Variants in DNAH8 observed in about 807,000 individuals in gnomAD.
DNAH8 encodes the protein dynein axonemal heavy chain 8.
Under a neutral mutation model 562.1 loss-of-function variants are expected in DNAH8, and 382 were observed. The observed-to-expected ratio is 0.68, with a 90% CI of 0.63 to 0.74. DNAH8 has a LOEUF of 0.74. Among genes scored for constraint, DNAH8 ranks in the 30% least tolerant of loss-of-function variants. The pLI, the probability that DNAH8 is intolerant of heterozygous loss-of-function variation, is 0.00. For synonymous variants in DNAH8, 1,881 were observed against 1,919.4 expected, an observed-to-expected ratio of 0.98 and a Z score of 0.52; for missense variants, 5,203 against 5,620.4, an observed-to-expected ratio of 0.93 and a Z score of 2.37.
Position 38,815,667 on chromosome 6 carries a change from T to G in DNAH8, c.3523+10T>G, listed in dbSNP as rs1397281874. ...CTGAAGAAGGAAGAAAGTAAGAATG[T>G]AAAATTAGTCAATGATCTTACTGAT... On this transcript the variant is annotated intron_variant, in intron 26 of 92. Transcript: ENST00000327475. 2 of 1,603,798 alleles carry G rather than the reference T, an allele frequency of 1.2e-6. No homozygotes were observed. Among genetic ancestry groups the G allele is most frequent in the Non-Finnish European group, 1.7e-6 (2 of 1,173,224 alleles).
chr6:38,760,057 A>C (rs1436269438), intron 10 of DNAH8, among the ~76,000 whole-genome samples: 1 of 152,242 alleles, frequency 6.6e-6, no homozygotes, highest in Non-Finnish European at 1.5e-5. Context: ...AACATTGTGA[A>C]TCAACAAGTA....
chr6:38,723,379 G>A lies in DNAH8; in HGVS notation c.433G>A (p.Asp145Asn), dbSNP rs755824326. 6.2e-7 allele frequency: 1 copy of A among 1,611,888 alleles called. No individual in the cohort carries two copies. The highest frequency in any genetic ancestry group is 1.7e-5 in the Admixed American group (1 of 59,860). The change falls in exon 3 of 93, where the codon GAC (aspartate) becomes AAC (asparagine). Residue 145 changes from aspartate (D) to asparagine (N), a missense_variant. Coordinates refer to ENST00000327475, the MANE Select transcript of DNAH8 (RefSeq NM_001206927.2). ...AAGGGAAAGCCGAAGACTGAAAATT[G>A]ACCCTTCATACAAATATATATTTGA... is the stretch of plus-strand genomic sequence containing the variant. ...EARESRRLKIDPSYKYIFEIL... is the reference protein window; with the variant it reads ...EARESRRLKINPSYKYIFEIL...
At chr6:38,815,427 A>C in intron 25 of DNAH8, 41 bp from the exon 26 acceptor site, 1 of 1,508,890 alleles carries the variant, frequency 6.6e-7, no homozygotes, top group African/African-American at 1.4e-5. Context: ...GATGGACTGT[A>C]TGTGCCGGCA....
chr6:38,983,251 A>T (rs1764158497), intron 86 of DNAH8, among the ~76,000 whole-genome samples: 1 of 152,200 alleles, frequency 6.6e-6, no homozygotes, highest in Non-Finnish European at 1.5e-5. Flanking sequence ...AGTACCTAAT[A>T]AGAGCTCATT....
intron 89 of DNAH8, among the ~76,000 whole-genome samples, chr6:39,010,318 T>A (rs879168422): frequency 1.3e-5 from 2 of 152,188 alleles, no homozygotes; most frequent in African/African-American, 4.8e-5. Flanking sequence ...AATCAAAATA[T>A]AATTATACCA....
intron 49 of DNAH8, 138 bp from the exon 50 acceptor site, chr6:38,872,398 A>AT (rs1777537329): frequency 2.1e-6 from 2 of 939,546 alleles, no homozygotes; most frequent in African/African-American, 1.7e-5. Context: ...GTAAAACAAC[A>AT]TTTTTTACAA....
Position 38,921,344 on chromosome 6 carries a change from A to G in DNAH8, c.10525-25A>G, listed in dbSNP as rs139989064. The G allele has an allele frequency of 1.9e-5, 30 of 1,608,968 alleles. No individual in the cohort carries two copies. The African/African-American group carries it at 3.7e-4, about 20-fold the overall frequency. On this transcript the variant is annotated intron_variant, in intron 70 of 92. Transcript: ENST00000327475. ...CATGACTGTTTCATGCAGCTAATAC[A>G]CTAACCACGTCTTCTTCTTTTCAGG...
intron 80 of DNAH8, 91 bp from the exon 81 acceptor site, chr6:38,949,361 A>G: frequency 2.5e-6 from 2 of 806,764 alleles, no homozygotes; most frequent in Admixed American, 1.9e-5. Flanking sequence ...CTGCCTGTAA[A>G]GAATGACCCT....
intron 73 of DNAH8, among the ~76,000 whole-genome samples, chr6:38,924,543 TC>T (rs1343217522): frequency 7.2e-5 from 11 of 152,174 alleles, no homozygotes; most frequent in Admixed American, 2.6e-4. Context: ...TTGAATTTTT[TC>T]TTTAACTGGG....
intron 30 of DNAH8, among the ~76,000 whole-genome samples, chr6:38,828,650 A>C (rs2150348180): frequency 1.3e-5 from 2 of 152,326 alleles, no homozygotes; most frequent in African/African-American, 4.8e-5. Context: ...TTCACACGAC[A>C]AAATCACCTA....
chr6:38,990,235 G>C lies in DNAH8; in HGVS notation c.13214+63G>C, dbSNP rs1264375815. 6.2e-6 allele frequency: 7 copies of C among 1,120,284 alleles called. No homozygotes were observed. In the East Asian group the frequency reaches 1.7e-4, roughly 28 times the overall value. The allele number at this position is 1,120,284 out of a possible 1,614,324, so 69.4% of individuals were successfully genotyped here. ...TGTAACTCAGTCTGGCAAAGATGGT[G>C]CATTTCATTTTCTCTCCTAATCTCT... is the stretch of plus-strand genomic sequence containing the variant. On this transcript the variant is annotated intron_variant, in intron 88 of 92. Coordinates refer to ENST00000327475, the MANE Select transcript of DNAH8 (RefSeq NM_001206927.2).
At chr6:38,734,328 C>A (rs988226532) in intron 4 of DNAH8, 146 bp from the exon 5 acceptor site, 3 of 597,532 alleles carry the variant, frequency 5.0e-6, no homozygotes, top group Non-Finnish European at 7.0e-6. Flanking sequence ...TCTAGTAGAC[C>A]CCCCCCCAAA....
In DNAH8 at chr6:38,737,096, G is replaced by A. The variant is rs757017716; in HGVS notation, c.792G>A (p.Ser264=). The A allele has an allele frequency of 1.7e-5, 27 of 1,565,916 alleles. No individual in the cohort carries two copies. Among genetic ancestry groups the A allele is most frequent in the African/African-American group, 5.5e-5 (4 of 72,116 alleles). Residue 264 remains serine, a synonymous_variant, in exon 6 of 93, where the codon TCG becomes TCA. Transcript: ENST00000327475. The stretch of plus-strand genomic sequence containing the variant: ...CGCTCTTTACTGTTCTGGATGCGTC[G>A]AAAGGACTCTTAAATGGAATTAGGG... ...EEALFTVLDA[S]KGLLNGIRDM...
Position 38,872,557 on chromosome 6 carries a change from C to T in DNAH8, c.7012C>T (p.Arg2338Trp), listed in dbSNP as rs148367783. The T allele has an allele frequency of 5.6e-6, 9 of 1,613,824 alleles. No individual in the cohort carries two copies. Among genetic ancestry groups the T allele is most frequent in the Non-Finnish European group, 7.6e-6 (9 of 1,179,914 alleles). Residue 2338 changes from arginine (R) to tryptophan (W), a missense_variant, in exon 50 of 93, where the codon CGG becomes TGG. Transcript: ENST00000327475. ...GTAGTTATATGAGACGTCTTTGGTA[C>T]GGCATGGCTTGATGACTCTTGGGCC... ...LVQLYETSLVRHGLMTLGPSG... is the reference protein window; with the variant it reads ...LVQLYETSLVWHGLMTLGPSG...
intron 76 of DNAH8, chr6:38,932,989 C>T (rs1304672013): frequency 2.0e-5 from 3 of 152,262 alleles, no homozygotes; most frequent in African/African-American, 7.2e-5. Flanking sequence ...TCTTGGTTTC[C>T]AACAAACCTG....
intron 60 of DNAH8, 127 bp from the exon 61 acceptor site, chr6:38,898,131 G>T (rs1471593478): frequency 1.0e-5 from 9 of 861,464 alleles, no homozygotes; most frequent in Non-Finnish European, 1.5e-5. Context: ...AGAAACCTCT[G>T]GAAATCCATA....
At position 38,917,270 on chromosome 6, in the gene DNAH8, G is replaced by A. The variant is rs1263730674; in HGVS notation, c.10172G>A (p.Arg3391Lys). 2.5e-6 allele frequency: 4 copies of A among 1,612,608 alleles called. No individual in the cohort carries two copies. The highest frequency in any genetic ancestry group is 2.2e-5 in the East Asian group (1 of 44,846). ...AAGCCAAATGATATTGCCACAGTCA[G>A]GAAACTTGCAAAACCACCACATCTT... ...TIKPNDIATVRKLAKPPHLIM... is the reference protein window; with the variant it reads ...TIKPNDIATVKKLAKPPHLIM... The change falls in exon 69 of 93, where the codon AGG (arginine) becomes AAG (lysine). Residue 3391 changes from arginine (R) to lysine (K), a missense_variant. Arg to Lys is a conservative substitution (Grantham distance 26). Around this residue, in one of 6 missense-constraint regions of DNAH8, gnomAD observed 87 missense variants for 144.9 expected, o/e 0.60. Transcript: ENST00000327475.
chr6:38,962,932 A>G (rs997364587), intron 82 of DNAH8, among the ~76,000 whole-genome samples: 2 of 152,180 alleles, frequency 1.3e-5, no homozygotes, highest in Non-Finnish European at 2.9e-5. Flanking sequence ...CTATGAGGAC[A>G]CAAAGGCCTA....
chr6:38,947,011 TTAC>T (rs1368171115), intron 80 of DNAH8, among the ~76,000 whole-genome samples: 2 of 152,204 alleles, frequency 1.3e-5, no homozygotes, highest in African/African-American at 4.8e-5. Flanking sequence ...CTATTACTGC[TTAC>T]TATGGGATAG....
Sources: gnomAD v4.1 joint callset for allele counts (sites outside exome capture counted in the v4.1 genomes callset) on GRCh38, gnomAD v4.1.1 for gene constraint, gnomAD v4.1.1 regional missense constraint, MANE v1.5 for transcripts, NCBI Gene and HGNC (gene_info 2026-07-23, HGNC 2026-07-21) for gene names.